MKKS: variants seen among roughly 807,000 people sequenced by gnomAD.
MKKS encodes the protein MKKS centrosomal shuttling protein.
MKKS carries 29 observed loss-of-function variants against 33.2 expected under a neutral mutation model. The ratio of observed to expected loss-of-function variants is 0.87; its 90% CI spans 0.65 to 1.19. The LOEUF (loss-of-function observed/expected upper bound fraction) is 1.19, where lower values mean the gene tolerates loss of function less well. MKKS is among the 50% of genes most tolerant of loss of function. MKKS has a pLI of 0.00. For synonymous variants in MKKS, 260 were observed against 244.0 expected (o/e 1.07, Z -0.61); for missense variants, 661 against 662.3 (o/e 1.00, Z 0.02).
At position 10,407,717 on chromosome 20, in the gene MKKS, G is replaced by A; in HGVS notation, c.1171C>T (p.Gln391Ter). 1.9e-6 allele frequency: 3 copies of A among 1,613,550 alleles called. No individual in the cohort carries two copies. Among genetic ancestry groups the A allele is most frequent in the Non-Finnish European group, 2.5e-6 (3 of 1,179,690 alleles). The change falls in exon 5 of 6, where the codon CAG (glutamine) becomes TAG (stop). Residue 391 changes from glutamine (Q) to a stop codon, truncating the protein, a stop_gained. Coordinates refer to ENST00000347364, the MANE Select transcript of MKKS (RefSeq NM_170784.3). LOFTEE classifies it high-confidence loss of function. ...AACTGCAGGACATGCAGTGCCGTCT[G>A]ACACGTGAGCTAAGAAAAAACCCAA... ...TAWDELKLTC[Q>*]TALHVLQLTL...
Position 10,416,521 on chromosome 20 carries a change from T to A in MKKS, c.-417-2590A>T, listed in dbSNP as rs182690008. Among the ~76,000 whole-genome samples, 70 of 151,648 alleles carry A rather than the reference T, an allele frequency of 4.6e-4. No individual in the cohort carries two copies. In the Middle Eastern group the frequency reaches 0.014, roughly 30 times the overall value. On this transcript the variant is annotated intron_variant, in intron 2 of 5. Coordinates refer to ENST00000347364, the MANE Select transcript of MKKS (RefSeq NM_170784.3). ...CAGCAACAGATTAATATAACTGAAA[T>A]AAATGCAAACCCACAGGTTCATACT...
At position 10,408,718 on chromosome 20, in the gene MKKS, G is replaced by T; in HGVS notation, c.1071C>A (p.Ser357=). The change falls in exon 4 of 6, where the codon TCC becomes TCA. Residue 357 remains serine, a synonymous_variant. Coordinates refer to ENST00000347364, the MANE Select transcript of MKKS (RefSeq NM_170784.3). ...VKDVCTAKFG[S]KHFFHLIPNE... is the part of the protein sequence containing the mutation. ...TAGGAATAAGATGAAAAAAATGTTT[G>T]GAGCCAAATTTTGCAGTGCACACAT... is the stretch of plus-strand genomic sequence containing the variant. The T allele has an allele frequency of 6.2e-7, 1 of 1,613,966 alleles. No homozygotes were observed. Among genetic ancestry groups the T allele is most frequent in the South Asian group, 1.1e-5 (1 of 91,062 alleles).
At chr20:10,408,941 G>C in intron 3 of MKKS, 138 bp from the exon 4 acceptor site, 1 of 645,092 alleles carries the variant, frequency 1.6e-6, no homozygotes, top group Non-Finnish European at 2.6e-6. Flanking sequence ...GGATAAATAA[G>C]ATGAATATTC....
At chr20:10,406,132 C>A (rs913938962) in intron 5 of MKKS, among the ~76,000 whole-genome samples, 3 of 152,140 alleles carry the variant, frequency 2.0e-5, no homozygotes, top group Non-Finnish European at 4.4e-5. Flanking sequence ...TGGGAATGCA[C>A]ATATTTTTAT....
chr20:10,429,220 A>G (rs1304557698), intron 1 of MKKS, among the ~76,000 whole-genome samples: 1 of 152,028 alleles, frequency 6.6e-6, no homozygotes, highest in Non-Finnish European at 1.5e-5. Context: ...AAGATCACCA[A>G]TCCTTCCCCT....
At chr20:10,426,523 C>T (rs2039381323) in intron 1 of MKKS, among the ~76,000 whole-genome samples, 1 of 152,226 alleles carries the variant, frequency 6.6e-6, no homozygotes, top group African/African-American at 2.4e-5. Context: ...CCTCAGCCTC[C>T]CAGGTAGCTG....
Position 10,427,063 on chromosome 20 carries a change from C to CACACACACACACAA in MKKS, c.-648-6306_-648-6305insTTGTGTGTGTGTGT, listed in dbSNP as rs1555803054. Among the ~76,000 whole-genome samples the CACACACACACACAA allele has an allele frequency of 1.1e-3, 156 of 145,514 alleles. 2 individuals are homozygous for CACACACACACACAA. The highest frequency in any genetic ancestry group is 3.9e-3 in the African/African-American group (156 of 40,076). ...ACACACACACACACACACACACACA[C>CACACACACACACAA]ACACACACACACACACAAAGTAAGG... On this transcript the variant is annotated intron_variant, in intron 1 of 5. Transcript: ENST00000347364.
rs561813332 is a variant in MKKS, at chr20:10,415,701, CCACA to C, written c.-417-1774_-417-1771del. On this transcript the variant is annotated intron_variant, in intron 2 of 5. Coordinates refer to ENST00000347364, the MANE Select transcript of MKKS (RefSeq NM_170784.3). ...GCACGTTAAAACTTACATACACACC[CCACA>C]ATAAAAACTATGATTAAGAAAATCG... Among the ~76,000 whole-genome samples the C allele has an allele frequency of 7.2e-5, 11 of 152,302 alleles. No individual in the cohort carries two copies. The East Asian group carries it at 1.9e-3, about 27-fold the overall frequency.
At chr20:10,420,153 A>T (rs1227468234) in intron 2 of MKKS, among the ~76,000 whole-genome samples, 1 of 152,204 alleles carries the variant, frequency 6.6e-6, no homozygotes, top group Non-Finnish European at 1.5e-5. Flanking sequence ...TAAGAAATGA[A>T]TACAATTAGT....
intron 2 of MKKS, among the ~76,000 whole-genome samples, chr20:10,418,292 C>T (rs1248100352): frequency 6.6e-6 from 1 of 152,128 alleles, no homozygotes; most frequent in Non-Finnish European, 1.5e-5. Context: ...TGGCGAAATG[C>T]CCTTAACTAT....
intron 4 of MKKS, 22 bp downstream of exon 4, chr20:10,408,606 G>T (rs1017561035): frequency 6.2e-7 from 1 of 1,611,914 alleles, no homozygotes; most frequent in Non-Finnish European, 8.5e-7. Context: ...TCTGCATATG[G>T]AATTCAAAGT....
Position 10,405,576 on chromosome 20 carries a change from C to A in MKKS, c.1384G>T (p.Glu462Ter), listed in dbSNP as rs541880737. The A allele has an allele frequency of 1.2e-6, 2 of 1,614,146 alleles. No individual in the cohort carries two copies. Among genetic ancestry groups the A allele is most frequent in the South Asian group, 2.2e-5 (2 of 91,084 alleles). ...SALESVVGSL[E>*]HDGGEILTDM... is the part of the protein sequence containing the mutation. ...GTGAGAATTTCACCTCCATCATGTT[C>A]TAAAGAGCCAACAACAGATTCTAGG... Residue 462 changes from glutamate (E) to a stop codon, truncating the protein, a stop_gained, in exon 6 of 6, where the codon GAA becomes TAA. Coordinates refer to ENST00000347364, the MANE Select transcript of MKKS (RefSeq NM_170784.3). LOFTEE classifies it low-confidence loss of function (END_TRUNC).
chr20:10,409,934 C>T lies in MKKS; in HGVS notation c.986-1131G>A, dbSNP rs368741778. ...TGCAGTGAGCAGTGAGCTGAGATTG[C>T]GCCACTGCACTCTAGCCTGGGCAAC... is the stretch of plus-strand genomic sequence containing the variant. On this transcript the variant is annotated intron_variant, in intron 3 of 5. Coordinates refer to ENST00000347364, the MANE Select transcript of MKKS (RefSeq NM_170784.3). 5.9e-4 allele frequency among the ~76,000 whole-genome samples: 72 copies of T among 121,268 alleles called. 1 individual carries two copies. The South Asian group carries it at 0.019, about 32-fold the overall frequency. The allele number at this position is 121,268 out of a possible 152,430, so 79.6% of individuals were successfully genotyped here.
intron 1 of MKKS, among the ~76,000 whole-genome samples, chr20:10,427,617 G>A (rs574007379): frequency 7.2e-5 from 11 of 152,204 alleles, no homozygotes; most frequent in African/African-American, 2.4e-4. Context: ...TTTGAATTGT[G>A]GCATTTTTTC....
intron 1 of MKKS, among the ~76,000 whole-genome samples, chr20:10,432,749 G>C (rs1373507440): frequency 8.2e-6 from 1 of 122,048 alleles, no homozygotes; most frequent in Admixed American, 1.1e-4. Context: ...AGTGAGCAGA[G>C]ATCCAGCTTC....
chr20:10,430,806 A>T (rs6077785), intron 1 of MKKS, among the ~76,000 whole-genome samples: 74,752 of 152,082 alleles, frequency 0.49, 18,997 homozygotes, highest in Non-Finnish European at 0.56. Flanking sequence ...AATTTCATGT[A>T]TGTTTCTCTA....
rs549977134 is a variant in MKKS, at chr20:10,423,196, C to T, written c.-648-2438G>A. ...TCACAAAAGTGTAATCCTAACACTTCGGGAGCCTGAGGTGGGCGGATCACT... is the reference window on the plus strand; with the variant it reads ...TCACAAAAGTGTAATCCTAACACTTTGGGAGCCTGAGGTGGGCGGATCACT... On this transcript the variant is annotated intron_variant, in intron 1 of 5. Transcript: ENST00000347364. 1.3e-4 allele frequency among the ~76,000 whole-genome samples: 20 copies of T among 152,098 alleles called. 1 individual carries two copies. Among genetic ancestry groups the T allele is most frequent in the African/African-American group, 4.1e-4 (17 of 41,490 alleles).
chr20:10,413,863 T>C lies in MKKS; in HGVS notation c.-349A>G, dbSNP rs140884406. 656 of 437,054 alleles carry C rather than the reference T, an allele frequency of 1.5e-3. 2 individuals carry two copies. The highest frequency in any genetic ancestry group is 0.011 in the African/African-American group (543 of 49,548). The allele number at this position is 437,054 out of a possible 1,614,324, so 27.1% of individuals were successfully genotyped here. ...ATCCCAGCTACAAGAAGCCAGTTCTTTCTAATCCAACTGGTATTTTTCATC... is the reference window on the plus strand; with the variant it reads ...ATCCCAGCTACAAGAAGCCAGTTCTCTCTAATCCAACTGGTATTTTTCATC... On this transcript the variant is annotated 5_prime_UTR_variant, in exon 3 of 6. Coordinates refer to ENST00000347364, the MANE Select transcript of MKKS (RefSeq NM_170784.3).
intron 1 of MKKS, among the ~76,000 whole-genome samples, chr20:10,422,737 A>G (rs1180789983): frequency 4.0e-5 from 6 of 148,964 alleles, no homozygotes; most frequent in African/African-American, 1.5e-4. Context: ...TGTGAGACAG[A>G]GTCTTGCTCT....
Sources: gnomAD v4.1 joint callset for allele counts (sites outside exome capture counted in the v4.1 genomes callset) on GRCh38, gnomAD v4.1.1 for gene constraint, MANE v1.5 for transcripts, NCBI Gene and HGNC (gene_info 2026-07-23, HGNC 2026-07-21) for gene names.